F8: variants seen among roughly 807,000 people sequenced by gnomAD.
The protein encoded by F8 is coagulation factor VIII.
A neutral mutation model predicts 140.6 loss-of-function variants in F8; 12 were observed. The ratio of observed to expected loss-of-function variants is 0.09; its 90% CI spans 0.05 to 0.14. The LOEUF (loss-of-function observed/expected upper bound fraction) is 0.14. Ranked by LOEUF, F8 falls within the 10% of genes least tolerant of loss-of-function variation. The probability of loss-of-function intolerance (pLI) is 1.00; values close to 1 mark genes in which losing one functional copy is unlikely to be tolerated. For synonymous variants in F8, 585 were observed against 614.6 expected, an observed-to-expected ratio of 0.95 and a Z score of 0.71; for missense variants, 1,354 against 1,720.7, an observed-to-expected ratio of 0.79 and a Z score of 3.77.
At position 154,947,690 on chromosome X, in the gene F8, T is replaced by C; in HGVS notation, c.2113+8A>G. Reference sequence around the variant, plus strand: ...AGCTGTTGGTACAAGAAAAATATAATAACTAACCTGGGTTTTCCATCGACA... The same window carrying C: ...AGCTGTTGGTACAAGAAAAATATAACAACTAACCTGGGTTTTCCATCGACA... On this transcript the variant is annotated splice_region_variant and intron_variant, in intron 13 of 25. Transcript: ENST00000360256. The C allele has an allele frequency of 8.3e-7, 1 of 1,199,888 alleles. No homozygotes were observed. Among genetic ancestry groups the C allele is most frequent in the Non-Finnish European group, 1.1e-6 (1 of 884,889 alleles).
At chrX:154,866,548 T>G (rs1557273159) in intron 22 of F8, among the ~76,000 whole-genome samples, 2 of 112,009 alleles carry the variant, frequency 1.8e-5, no homozygotes, top group Admixed American at 1.9e-4. Flanking sequence ...CTGACCACAA[T>G]GGATTGAAAC....
Position 154,930,587 on chromosome X carries a change from C to G in F8, c.3203G>C (p.Arg1068Thr), listed in dbSNP as rs1557278683. 2 of 1,208,751 alleles carry G rather than the reference C, an allele frequency of 1.7e-6. No individual in the cohort carries two copies. Among genetic ancestry groups the G allele is most frequent in the Non-Finnish European group, 2.2e-6 (2 of 893,939 alleles). Residue 1068 changes from arginine (R) to threonine (T), a missense_variant, in exon 14 of 26, where the codon AGA (arginine) becomes ACA (threonine). Around this residue, in one of 4 missense-constraint regions of F8, gnomAD observed 658 missense variants for 666.5 expected, o/e 0.99. Transcript: ENST00000360256. Reference protein sequence around the residue: ...FKKVTPLIHDRMLMDKNATAL... With the variant: ...FKKVTPLIHDTMLMDKNATAL... ...TGTAGCATTTTTGTCCATAAGCATT[C>G]TGTCATGAATCAAAGGTGTCACTTT...
At chrX:154,839,462 A>G (rs1351831918) in intron 25 of F8, among the ~76,000 whole-genome samples, 1 of 106,325 alleles carries the variant, frequency 9.4e-6, no homozygotes, top group African/African-American at 3.5e-5. Context: ...TCCCGGGTTC[A>G]CGCCATTCTC....
At chrX:154,849,268 G>A (rs374690461) in intron 25 of F8, among the ~76,000 whole-genome samples, 7 of 110,131 alleles carry the variant, frequency 6.4e-5, no homozygotes, top group East Asian at 5.7e-4. Context: ...GAGCCACCGC[G>A]TCCAGCCATG....
chrX:154,973,778 AG>A (rs1199799089), intron 6 of F8, among the ~76,000 whole-genome samples: 1 of 111,871 alleles, frequency 8.9e-6, no homozygotes, highest in Non-Finnish European at 1.9e-5. Context: ...TTCTGCAAAC[AG>A]GGACAATTTG....
chrX:154,992,592 G>A (rs781952305), intron 4 of F8, among the ~76,000 whole-genome samples: 16 of 112,105 alleles, frequency 1.4e-4, no homozygotes, highest in Middle Eastern at 4.6e-3. Flanking sequence ...CCTCCATGAA[G>A]TTTTCAAGGA....
At chrX:154,934,883 G>A (rs1341250516) in intron 13 of F8, among the ~76,000 whole-genome samples, 1 of 111,684 alleles carries the variant, frequency 9.0e-6, no homozygotes, top group Non-Finnish European at 1.9e-5. Context: ...GAACAACAAG[G>A]CCAGGTGCAG....
At chrX:155,013,804 G>A (rs1447710479) in intron 1 of F8, among the ~76,000 whole-genome samples, 2 of 111,574 alleles carry the variant, frequency 1.8e-5, no homozygotes, top group Non-Finnish European at 3.8e-5. Flanking sequence ...TTCTAGTGGA[G>A]CCCTCTTCCC....
intron 1 of F8, among the ~76,000 whole-genome samples, chrX:155,010,122 T>C (rs888809436): frequency 1.4e-4 from 16 of 112,308 alleles, no homozygotes; most frequent in Non-Finnish European, 3.0e-4. Flanking sequence ...GTGAATATTT[T>C]CCACGCTGGC....
chrX:154,845,697 G>T (rs2072560248), intron 25 of F8, among the ~76,000 whole-genome samples: 1 of 111,108 alleles, frequency 9.0e-6, no homozygotes, highest in Non-Finnish European at 1.9e-5. Context: ...TTCTTTATTA[G>T]TCTTGCTAGT....
intron 3 of F8, among the ~76,000 whole-genome samples, chrX:154,994,061 TC>T (rs1434100877): frequency 2.7e-5 from 3 of 112,304 alleles, no homozygotes; most frequent in Non-Finnish European, 5.6e-5. Flanking sequence ...TAAACAAGCT[TC>T]CTACTCTTCA....
chrX:154,868,894 C>CA (rs1423844718), intron 22 of F8, among the ~76,000 whole-genome samples: 3 of 110,346 alleles, frequency 2.7e-5, no homozygotes, highest in African/African-American at 9.9e-5. Context: ...GCAAGAGTTG[C>CA]AATCCTAATC....
At chrX:155,001,842 G>A (rs2073648169) in intron 1 of F8, among the ~76,000 whole-genome samples, 1 of 111,236 alleles carries the variant, frequency 9.0e-6, no homozygotes, top group Non-Finnish European at 1.9e-5. Context: ...AGCCCAGACA[G>A]TTAAGGCTGC....
chrX:154,854,934 C>T (rs1438577346), intron 25 of F8, among the ~76,000 whole-genome samples: 2 of 110,892 alleles, frequency 1.8e-5, no homozygotes, highest in Non-Finnish European at 3.8e-5. Context: ...GAGTTCGAGA[C>T]CAGCCTGGCC....
At chrX:154,987,949 T>C (rs1193105837) in intron 4 of F8, among the ~76,000 whole-genome samples, 2 of 111,997 alleles carry the variant, frequency 1.8e-5, no homozygotes, top group Non-Finnish European at 3.8e-5. Flanking sequence ...GTTTATGACA[T>C]TTTGCCGTTC....
chrX:154,846,663 G>A (rs781794786), intron 25 of F8, among the ~76,000 whole-genome samples: 5 of 110,521 alleles, frequency 4.5e-5, no homozygotes, highest in South Asian at 7.6e-4. Context: ...CCTTTATTTC[G>A]AGCCTATGTG....
chrX:155,009,484 C>G (rs2124160582), intron 1 of F8, among the ~76,000 whole-genome samples: 1 of 111,516 alleles, frequency 9.0e-6, no homozygotes, highest in East Asian at 2.8e-4. Context: ...CATCTGTAAT[C>G]CCAGCACTTT....
chrX:154,903,806 T>C, intron 18 of F8, 100 bp downstream of exon 18: 1 of 704,191 alleles, frequency 1.4e-6, no homozygotes, highest in South Asian at 2.3e-5. Flanking sequence ...ATGGAGCTTG[T>C]CTGCTTTGAT....
chrX:154,945,399 T>C (rs2073297694), intron 13 of F8, among the ~76,000 whole-genome samples: 3 of 111,616 alleles, frequency 2.7e-5, no homozygotes, highest in African/African-American at 9.8e-5. Context: ...TAAAAGATCA[T>C]TCATCATGAT....
Sources: gnomAD v4.1 joint callset for allele counts (sites outside exome capture counted in the v4.1 genomes callset) on GRCh38, gnomAD v4.1.1 for gene constraint, gnomAD v4.1.1 regional missense constraint, MANE v1.5 for transcripts, NCBI Gene and HGNC (gene_info 2026-07-23, HGNC 2026-07-21) for gene names.